TAFA4: variants seen among roughly 807,000 people sequenced by gnomAD.
TAFA4 encodes the protein TAFA chemokine like family member 4.
TAFA4 carries 20 observed loss-of-function variants against 21.1 expected under a neutral mutation model. That is an observed-to-expected ratio of 0.95 (90% CI 0.67 to 1.38). TAFA4 has a LOEUF of 1.38. Among genes scored for constraint, TAFA4 ranks in the 40% most tolerant of loss-of-function variants. TAFA4 has a pLI of 0.00. For missense variants in TAFA4, 211 were observed against 180.9 expected (o/e 1.17, Z -0.95); for synonymous variants, 71 against 67.4 (o/e 1.05, Z -0.26).
intron 3 of TAFA4, among the ~76,000 whole-genome samples, chr3:68,760,210 T>C (rs1222412238): frequency 5.3e-5 from 8 of 152,236 alleles, no homozygotes; most frequent in East Asian, 1.9e-4. Flanking sequence ...AGGACTGCTA[T>C]AGAGGATGGA....
At chr3:68,930,477 AG>A (rs1487951409) in intron 1 of TAFA4, among the ~76,000 whole-genome samples, 3 of 152,224 alleles carry the variant, frequency 2.0e-5, no homozygotes, top group Non-Finnish European at 1.5e-5. Context: ...AAAGTGTCAA[AG>A]GGCAGTTAAG....
intron 1 of TAFA4, among the ~76,000 whole-genome samples, chr3:68,889,397 T>G (rs1047529489): frequency 6.6e-6 from 1 of 152,144 alleles, no homozygotes; most frequent in African/African-American, 2.4e-5. Context: ...TACCTACACT[T>G]GATTTCTTAT....
chr3:68,834,426 A>T (rs564618586), intron 3 of TAFA4, among the ~76,000 whole-genome samples: 3 of 152,332 alleles, frequency 2.0e-5, no homozygotes, highest in African/African-American at 7.2e-5. Context: ...TATAGAAAAG[A>T]GTGTCATTTA....
At chr3:68,770,010 T>C (rs1338347050) in intron 3 of TAFA4, among the ~76,000 whole-genome samples, 1 of 152,140 alleles carries the variant, frequency 6.6e-6, no homozygotes, top group Admixed American at 6.5e-5. Context: ...AGAGGTACCT[T>C]ACTATCATGA....
intron 4 of TAFA4, among the ~76,000 whole-genome samples, chr3:68,740,995 T>C (rs897180231): frequency 3.3e-5 from 5 of 152,216 alleles, no homozygotes; most frequent in African/African-American, 1.2e-4. Flanking sequence ...TTCTGTTCCA[T>C]GGGTCTACAT....
At chr3:68,861,040 C>G (rs913333804) in intron 3 of TAFA4, among the ~76,000 whole-genome samples, 14 of 129,642 alleles carry the variant, frequency 1.1e-4, no homozygotes, top group African/African-American at 3.5e-4. Flanking sequence ...ACCCCCCCCC[C>G]GCCCCCACGA....
intron 3 of TAFA4, among the ~76,000 whole-genome samples, chr3:68,815,008 C>T (rs1244500079): frequency 6.6e-6 from 1 of 152,074 alleles, no homozygotes; most frequent in African/African-American, 2.4e-5. Flanking sequence ...AAAATAATGC[C>T]ACATATCTAT....
At chr3:68,796,231 T>C (rs1703451794) in intron 3 of TAFA4, among the ~76,000 whole-genome samples, 1 of 151,930 alleles carries the variant, frequency 6.6e-6, no homozygotes, top group South Asian at 2.1e-4. Context: ...GATTAGGAAA[T>C]AAAGCAATAA....
chr3:68,922,587 T>C (rs1002778217), intron 1 of TAFA4, among the ~76,000 whole-genome samples: 1 of 152,364 alleles, frequency 6.6e-6, no homozygotes, highest in South Asian at 2.1e-4. Flanking sequence ...AGTTCATGTC[T>C]ATTTATGCTG....
At chr3:68,802,621 G>C (rs1212595761) in intron 3 of TAFA4, among the ~76,000 whole-genome samples, 1 of 152,156 alleles carries the variant, frequency 6.6e-6, no homozygotes, top group Non-Finnish European at 1.5e-5. Context: ...ATGGCCTGAA[G>C]TTATCATAAA....
intron 3 of TAFA4, among the ~76,000 whole-genome samples, chr3:68,853,322 T>C (rs1361227544): frequency 1.3e-5 from 2 of 152,192 alleles, no homozygotes; most frequent in African/African-American, 4.8e-5. Flanking sequence ...TATGGGAAAG[T>C]GTGACTCCGT....
At chr3:68,747,551 T>A (rs1484129138) in intron 4 of TAFA4, among the ~76,000 whole-genome samples, 1 of 152,196 alleles carries the variant, frequency 6.6e-6, no homozygotes, top group Non-Finnish European at 1.5e-5. Flanking sequence ...CCCAGCCACG[T>A]GGAACTGTGA....
At chr3:68,838,684 A>C (rs1235807153) in intron 3 of TAFA4, among the ~76,000 whole-genome samples, 1 of 152,208 alleles carries the variant, frequency 6.6e-6, no homozygotes, top group Non-Finnish European at 1.5e-5. Flanking sequence ...AAAATGTAAA[A>C]ATCATTCTTC....
intron 3 of TAFA4, among the ~76,000 whole-genome samples, chr3:68,797,866 T>C (rs1397392656): frequency 6.6e-6 from 1 of 152,174 alleles, no homozygotes; most frequent in African/African-American, 2.4e-5. Flanking sequence ...GAGCACTCCA[T>C]GGATGGATCC....
At chr3:68,922,324 C>A (rs1042270959) in intron 1 of TAFA4, among the ~76,000 whole-genome samples, 3 of 152,136 alleles carry the variant, frequency 2.0e-5, no homozygotes, top group South Asian at 2.1e-4. Context: ...TTTTAACAAG[C>A]CTTCCAGGTG....
At chr3:68,777,730 A>C (rs971293584) in intron 3 of TAFA4, among the ~76,000 whole-genome samples, 1 of 152,212 alleles carries the variant, frequency 6.6e-6, no homozygotes, top group African/African-American at 2.4e-5. Context: ...ATAATAATGT[A>C]TCTGTCGATG....
At chr3:68,788,196 G>T (rs1703295788) in intron 3 of TAFA4, among the ~76,000 whole-genome samples, 1 of 152,082 alleles carries the variant, frequency 6.6e-6, no homozygotes, top group Non-Finnish European at 1.5e-5. Flanking sequence ...TATCTCTATA[G>T]CTCCAGCCTC....
intron 3 of TAFA4, among the ~76,000 whole-genome samples, chr3:68,825,458 G>A (rs1169778882): frequency 1.3e-5 from 2 of 151,932 alleles, no homozygotes; most frequent in African/African-American, 4.9e-5. Flanking sequence ...AAAGATACAT[G>A]CACGTGTATG....
In TAFA4 at chr3:68,732,005, C is replaced by T. The variant is rs1702157116; in HGVS notation, c.*1137G>A. The T allele has an allele frequency of 6.6e-6, 1 of 152,336 alleles. No individual in the cohort carries two copies. The highest frequency in any genetic ancestry group is 2.4e-5 in the African/African-American group (1 of 41,408). The allele number at this position is 152,336 out of a possible 1,614,324, so 9.4% of individuals were successfully genotyped here. A position where few individuals can be genotyped will look rare whatever the true frequency, so the allele number is the denominator to read the frequency against. ...ATTTCTTAATATATAAAATTCATCC[C>T]ATATTTTTACAGTAGTATGTACTTT... On this transcript the variant is annotated 3_prime_UTR_variant, in exon 6 of 6. Coordinates refer to ENST00000295569, the MANE Select transcript of TAFA4 (RefSeq NM_182522.5).
Sources: gnomAD v4.1 joint callset for allele counts (sites outside exome capture counted in the v4.1 genomes callset) on GRCh38, gnomAD v4.1.1 for gene constraint, MANE v1.5 for transcripts, NCBI Gene and HGNC (gene_info 2026-07-23, HGNC 2026-07-21) for gene names.